NXPE2: variants seen among roughly 807,000 people sequenced by gnomAD.
NXPE2 encodes the protein NXPE family member 2.
Under a neutral mutation model 34.4 loss-of-function variants are expected in NXPE2, and 34 were observed. The observed-to-expected ratio is 0.99, with a 90% confidence interval of 0.75 to 1.31. The LOEUF is 1.31. Ranked by LOEUF, NXPE2 falls within the 40% of genes most tolerant of loss-of-function variation. NXPE2 has a pLI of 0.00. For synonymous variants in NXPE2, 235 were observed against 231.3 expected, an observed-to-expected ratio of 1.02 and a Z score of -0.15; for missense variants, 649 against 672.5, an observed-to-expected ratio of 0.97 and a Z score of 0.39.
chr11:114,540,958 G>T, the NXPE2 span, among the ~76,000 whole-genome samples: 1 of 142,604 alleles, frequency 7.0e-6, no homozygotes, highest in Non-Finnish European at 1.5e-5. Flanking sequence ...CAGAACAGAG[G>T]CAGAGAAGGT....
At chr11:114,472,668 G>C in the NXPE2 span, among the ~76,000 whole-genome samples, 4 of 152,056 alleles carry the variant, frequency 2.6e-5, no homozygotes, top group Non-Finnish European at 5.9e-5. Flanking sequence ...TGTCTGGCAG[G>C]GGCCCACTTC....
chr11:114,488,110 A>G, the NXPE2 span, among the ~76,000 whole-genome samples: 1 of 152,188 alleles, frequency 6.6e-6, no homozygotes, highest in Non-Finnish European at 1.5e-5. Context: ...GGGAGAATTC[A>G]GCAATGAAGC....
At chr11:114,500,778 TGAA>T in the NXPE2 span, among the ~76,000 whole-genome samples, 1 of 152,184 alleles carries the variant, frequency 6.6e-6, no homozygotes, top group East Asian at 1.9e-4. Flanking sequence ...ATATTTGGTA[TGAA>T]GTGGTATGAA....
intron 2 of NXPE2, among the ~76,000 whole-genome samples, chr11:114,693,477 C>T (rs1257586024): frequency 6.6e-6 from 1 of 152,152 alleles, no homozygotes; most frequent in East Asian, 1.9e-4. Flanking sequence ...CCCAGACTGT[C>T]CACGTCCCAG....
At chr11:114,705,071 C>A (rs2135573455) in intron 4 of NXPE2, among the ~76,000 whole-genome samples, 1 of 152,194 alleles carries the variant, frequency 6.6e-6, no homozygotes, top group South Asian at 2.1e-4. Flanking sequence ...AGAAGATGTG[C>A]ATTTTAAGTG....
At chr11:114,675,427 C>G (rs1792414), upstream of NXPE2, among the ~76,000 whole-genome samples, 75,915 of 151,534 alleles carry the variant, frequency 0.5, 20,155 homozygotes, top group East Asian at 0.79. Context: ...CACCAAAAAA[C>G]TGTTAGAACT....
the NXPE2 span, among the ~76,000 whole-genome samples, chr11:114,763,942 C>T: frequency 9.9e-5 from 15 of 151,624 alleles, no homozygotes; most frequent in Non-Finnish European, 1.6e-4. Context: ...GTCATTTTTT[C>T]GTTTGATGCT....
chr11:114,486,079 A>C, the NXPE2 span, among the ~76,000 whole-genome samples: 2 of 152,192 alleles, frequency 1.3e-5, no homozygotes, highest in Non-Finnish European at 2.9e-5. Context: ...ACTGTTCTTC[A>C]TAGTGGTTGT....
the NXPE2 span, among the ~76,000 whole-genome samples, chr11:114,630,320 T>C: frequency 1.5e-3 from 225 of 151,578 alleles, 3 homozygotes; most frequent in African/African-American, 2.2e-3. Context: ...GGTACCAAAA[T>C]AGAGATATAG....
At chr11:114,602,555 A>G in the NXPE2 span, among the ~76,000 whole-genome samples, 1 of 139,314 alleles carries the variant, frequency 7.2e-6, no homozygotes, top group Non-Finnish European at 1.5e-5. Flanking sequence ...CAAATTATAG[A>G]TTATATCATT....
At chr11:114,513,868 C>CTT in the NXPE2 span, among the ~76,000 whole-genome samples, 33,277 of 151,992 alleles carry the variant, frequency 0.22, 4,965 homozygotes, top group African/African-American at 0.42. Flanking sequence ...AATGCAAAGA[C>CTT]TTTTTGTAAA....
chr11:114,683,099 A>G (rs919724651), intron 2 of NXPE2, among the ~76,000 whole-genome samples: 5 of 152,126 alleles, frequency 3.3e-5, no homozygotes, highest in Non-Finnish European at 7.4e-5. Context: ...TGATCTATAG[A>G]AAGACCATTA....
chr11:114,750,224 C>G, the NXPE2 span, among the ~76,000 whole-genome samples: 1 of 152,184 alleles, frequency 6.6e-6, no homozygotes, highest in South Asian at 2.1e-4. Flanking sequence ...TGAAAGATCT[C>G]ACAGTTTCTT....
the NXPE2 span, among the ~76,000 whole-genome samples, chr11:114,589,078 T>A: frequency 6.6e-6 from 1 of 152,140 alleles, no homozygotes; most frequent in Admixed American, 6.5e-5. Context: ...CTGAGGTGCA[T>A]CTGCGAGTTG....
chr11:114,697,343 C>T (rs1951277193), intron 2 of NXPE2, among the ~76,000 whole-genome samples: 1 of 152,156 alleles, frequency 6.6e-6, no homozygotes, highest in Non-Finnish European at 1.5e-5. Context: ...AGCCAAGGAA[C>T]ACCAAGGATT....
chr11:114,588,061 C>G, the NXPE2 span, among the ~76,000 whole-genome samples: 1 of 152,192 alleles, frequency 6.6e-6, no homozygotes, highest in African/African-American at 2.4e-5. Context: ...GCACAATCAG[C>G]TCAGCTCTTT....
chr11:114,535,453 C>T, the NXPE2 span, among the ~76,000 whole-genome samples: 3 of 151,978 alleles, frequency 2.0e-5, no homozygotes, highest in East Asian at 1.9e-4. Flanking sequence ...AATGTAAATG[C>T]GCTAAATTGC....
chr11:114,481,927 C>T, the NXPE2 span, among the ~76,000 whole-genome samples: 20,516 of 152,044 alleles, frequency 0.13, 1,520 homozygotes, highest in South Asian at 0.23. Context: ...GTAACTGTAG[C>T]GAAAGATTCA....
At chr11:114,630,280 A>C in the NXPE2 span, among the ~76,000 whole-genome samples, 2 of 151,842 alleles carry the variant, frequency 1.3e-5, no homozygotes, top group Admixed American at 6.6e-5. Flanking sequence ...CTATACTAAA[A>C]GGCTACAGTA....
Sources: gnomAD v4.1 joint callset for allele counts (sites outside exome capture counted in the v4.1 genomes callset) on GRCh38, gnomAD v4.1.1 for gene constraint, MANE v1.5 for transcripts, NCBI Gene and HGNC (gene_info 2026-07-23, HGNC 2026-07-21) for gene names.